Variants in DDX56 observed in about 807,000 individuals in gnomAD.
The protein encoded by DDX56 is DEAD-box helicase 56.
In DDX56, 45 loss-of-function variants were observed where a neutral mutation model predicts 61.5. The observed-to-expected ratio is 0.73, with a 90% CI of 0.58 to 0.94. The LOEUF (loss-of-function observed/expected upper bound fraction) is 0.94, where lower values mean the gene tolerates loss of function less well. Among genes scored for constraint, DDX56 ranks in the 40% least tolerant of loss-of-function variants. The pLI is 0.00. For synonymous variants in DDX56, 273 were observed against 268.3 expected (o/e 1.02, Z -0.17); for missense variants, 708 against 690.7 (o/e 1.02, Z -0.28).
At position 44,572,624 on chromosome 7, in the gene DDX56, A is replaced by G. The variant is rs2289056; in HGVS notation, c.504T>C (p.Ala168=). 1.8e-4 allele frequency: 285 copies of G among 1,614,212 alleles called. 3 individuals are homozygous for G. The East Asian group carries it at 6.3e-3, about 36-fold the overall frequency. ...CAAAGCCAAAGGAAAAAAGAAGGTCAGCTTCGTCCACCACCAAAAGCTCCA... is the reference window on the plus strand; with the variant it reads ...CAAAGCCAAAGGAAAAAAGAAGGTCGGCTTCGTCCACCACCAAAAGCTCCA... ...DSLELLVVDE[A]DLLFSFGFEE... is the part of the protein sequence containing the mutation. Residue 168 remains alanine, a synonymous_variant, in exon 4 of 14, where the codon GCT becomes GCC. Coordinates refer to ENST00000258772, the MANE Select transcript of DDX56 (RefSeq NM_019082.4).
chr7:44,569,947 T>C (rs761846308), intron 8 of DDX56, 44 bp from the exon 9 acceptor site: 2 of 1,612,146 alleles, frequency 1.2e-6, no homozygotes, highest in Non-Finnish European at 1.7e-6. Flanking sequence ...ACCCGCAGGC[T>C]CTGTCCAGCA....
At chr7:44,569,254 G>T in intron 9 of DDX56, 51 bp from the exon 10 acceptor site, 1 of 1,556,698 alleles carries the variant, frequency 6.4e-7, no homozygotes, top group South Asian at 1.1e-5. Flanking sequence ...CTTAGGATAG[G>T]GTCTTCATTG....
At chr7:44,569,467 T>C (rs575624419) in intron 9 of DDX56, among the ~76,000 whole-genome samples, 6 of 152,066 alleles carry the variant, frequency 3.9e-5, no homozygotes, top group Non-Finnish European at 7.4e-5. Context: ...GAGTACCCCA[T>C]GGTATTCCTT....
chr7:44,567,295 T>C (rs1802565885), intron 12 of DDX56, among the ~76,000 whole-genome samples: 1 of 152,160 alleles, frequency 6.6e-6, no homozygotes, highest in Admixed American at 6.5e-5. Flanking sequence ...GTCACCTCCA[T>C]AGCAGCAACA....
intron 12 of DDX56, chr7:44,567,627 G>T: frequency 4.7e-6 from 1 of 211,818 alleles, no homozygotes; most frequent in South Asian, 6.2e-5. Context: ...ACCACCACTG[G>T]CTCTTCTCTT....
rs747992959 is a variant in DDX56, at chr7:44,566,511, G to A, written c.1503C>T (p.Leu501=). The A allele has an allele frequency of 1.3e-6, 2 of 1,562,676 alleles. No individual in the cohort carries two copies. The highest frequency in any genetic ancestry group is 1.9e-5 in the Admixed American group (1 of 53,690). ...HVPDYLVPPA[L]RGLVRPHKKR... The stretch of plus-strand genomic sequence containing the variant: ...TCTTGTGAGGGCGCACCAGGCCACG[G>A]AGAGCAGGAGGAACTGGAAGAGATG... The change falls in exon 13 of 14, where the codon CTC becomes CTT. Residue 501 remains leucine (L), a synonymous_variant. Coordinates refer to ENST00000258772, the MANE Select transcript of DDX56 (RefSeq NM_019082.4).
Position 44,573,634 on chromosome 7 carries a change from C to T in DDX56, c.171G>A (p.Lys57=). ...LLARARTGSG[K]TAAYAIPMLQ... The stretch of plus-strand genomic sequence containing the variant: ...GCATCGGAATAGCATAAGCGGCCGT[C>T]TTCCCGGAGCCCGTGCGGGCCCGAG... Residue 57 remains lysine (K), a synonymous_variant, in exon 2 of 14, where the codon AAG becomes AAA. Transcript: ENST00000258772. 1 of 1,613,844 alleles carries T rather than the reference C, an allele frequency of 6.2e-7. No homozygotes were observed. The highest frequency in any genetic ancestry group is 8.5e-7 in the Non-Finnish European group (1 of 1,180,042).
At chr7:44,572,468 C>G (rs1802701432) in intron 4 of DDX56, 31 bp from the exon 5 acceptor site, 1 of 1,613,342 alleles carries the variant, frequency 6.2e-7, no homozygotes, top group African/African-American at 1.3e-5. Flanking sequence ...CAGATTCCAG[C>G]TCCAAGGGCC....
At position 44,571,811 on chromosome 7, in the gene DDX56, A is replaced by C. The variant is rs1180047538; in HGVS notation, c.646-75T>G. ...GTATGGCCACTTACTCACCAACCAA[A>C]GCATCAACATTTTAGTGCAGGGCAG... On this transcript the variant is annotated intron_variant, in intron 5 of 13. Transcript: ENST00000258772. The C allele has an allele frequency of 1.9e-6, 3 of 1,573,980 alleles. No homozygotes were observed. The East Asian group carries it at 6.8e-5, about 35-fold the overall frequency.
chr7:44,568,855 A>G (rs777167133), intron 11 of DDX56, 48 bp downstream of exon 11: 2 of 1,514,810 alleles, frequency 1.3e-6, no homozygotes, highest in Non-Finnish European at 1.8e-6. Context: ...GTCTCCAAAA[A>G]GGGCAGCCGT....
At position 44,570,759 on chromosome 7, in the gene DDX56, T is replaced by C. The variant is rs1802649509; in HGVS notation, c.1009A>G (p.Lys337Glu). 3.1e-6 allele frequency: 5 copies of C among 1,608,488 alleles called. No individual in the cohort carries two copies. The East Asian group carries it at 8.9e-5, about 29-fold the overall frequency. ...KRRGRGPKGD[K>E]ASDPEAGVAR... ...ATGGAAAAAGAGGCATGGACTCACT[T>C]GTCCCCTTTGGGCCCTCGGCCCCGA... is the stretch of plus-strand genomic sequence containing the variant. The change falls in exon 7 of 14, where the codon AAG becomes GAG. Residue 337 changes from lysine to glutamate, a missense_variant and splice_region_variant. Lys to Glu is a moderately conservative substitution (Grantham distance 56). Coordinates refer to ENST00000258772, the MANE Select transcript of DDX56 (RefSeq NM_019082.4).
intron 12 of DDX56, 78 bp downstream of exon 12, chr7:44,568,040 C>G: frequency 1.7e-6 from 2 of 1,187,200 alleles, no homozygotes; most frequent in Non-Finnish European, 2.5e-6. Context: ...GCACCAAGCA[C>G]AGGGGCTGAC....
chr7:44,571,421 G>C, intron 6 of DDX56, 71 bp downstream of exon 6: 1 of 1,583,096 alleles, frequency 6.3e-7, no homozygotes, highest in Admixed American at 1.7e-5. Flanking sequence ...TTAAGAAACA[G>C]AACATTAACT....
Position 44,572,453 on chromosome 7 carries a change from C to G in DDX56, c.555-16G>C. ...GGGCAAGTGACTGAAATGAAAGAATCCAATCAGATTCCAGCTCCAAGGGCC... is the reference window on the plus strand; with the variant it reads ...GGGCAAGTGACTGAAATGAAAGAATGCAATCAGATTCCAGCTCCAAGGGCC... On this transcript the variant is annotated splice_polypyrimidine_tract_variant and intron_variant, in intron 4 of 13. Transcript: ENST00000258772. The G allele has an allele frequency of 6.2e-7, 1 of 1,613,912 alleles. No individual in the cohort carries two copies. The highest frequency in any genetic ancestry group is 8.5e-7 in the Non-Finnish European group (1 of 1,179,888).
rs1802576805 is a variant in DDX56, at chr7:44,567,665, A to T, written c.1489+453T>A. 4 of 246,128 alleles carry T rather than the reference A, an allele frequency of 1.6e-5. No individual in the cohort carries two copies. In the South Asian group the frequency reaches 1.7e-4, roughly 10 times the overall value. 15.2% of individuals were successfully genotyped at this position (246,128 alleles called of 1,614,324 possible). A position where few individuals can be genotyped will look rare whatever the true frequency, so the allele number is the denominator to read the frequency against. ...TACCTTGTCGGTTTAGGCCTTACAG[A>T]GTCTGTCTCCCTGCTGACTGTTCTT... On this transcript the variant is annotated intron_variant, in intron 12 of 13. Coordinates refer to ENST00000258772, the MANE Select transcript of DDX56 (RefSeq NM_019082.4).
At chr7:44,571,284 C>T (rs1034230786) in intron 6 of DDX56, among the ~76,000 whole-genome samples, 2 of 152,200 alleles carry the variant, frequency 1.3e-5, no homozygotes, top group African/African-American at 4.8e-5. Context: ...GGCGATCCGC[C>T]CACCTCGGCC....
Position 44,570,022 on chromosome 7 carries a change from C to T in DDX56, c.1117G>A (p.Ala373Thr), listed in dbSNP as rs1029370382. Residue 373 changes from alanine (A) to threonine (T), a missense_variant, in exon 8 of 14, where the codon GCT becomes ACT. Physicochemically the swap from Ala to Thr is moderately conservative, Grantham distance 58. Transcript: ENST00000258772. Reference sequence around the variant, plus strand: ...GGGCCGTCACACTACTACCTGCCAGCTCGATGGATGTAGGCCTCAGGGGTT... The same window carrying T: ...GGGCCGTCACACTACTACCTGCCAGTTCGATGGATGTAGGCCTCAGGGGTT... ...PPTPEAYIHR[A>T]GRTARANNPG... 1.9e-6 allele frequency: 3 copies of T among 1,614,108 alleles called. No individual in the cohort carries two copies. Among genetic ancestry groups the T allele is most frequent in the African/African-American group, 2.7e-5 (2 of 74,948 alleles).
intron 11 of DDX56, 29 bp downstream of exon 11, chr7:44,568,874 T>C (rs1290556779): frequency 1.9e-6 from 3 of 1,574,602 alleles, no homozygotes; most frequent in Non-Finnish European, 1.7e-6. Flanking sequence ...GTCTAAGATC[T>C]ATCCCCTTCT....
At chr7:44,566,571 C>A in intron 12 of DDX56, 47 bp from the exon 13 acceptor site, 1 of 1,401,582 alleles carries the variant, frequency 7.1e-7, no homozygotes, top group South Asian at 1.3e-5. Context: ...CTACTGCTCC[C>A]ATCCCTGCCC....
Sources: allele counts gnomAD v4.1 joint callset (sites outside exome capture counted in the v4.1 genomes callset), GRCh38; gene constraint gnomAD v4.1.1; transcripts MANE v1.5; gene names NCBI Gene and HGNC (gene_info 2026-07-23, HGNC 2026-07-21).